Variants in RAB38 observed in about 807,000 individuals in gnomAD.
RAB38 encodes ras-related protein Rab-38.
RAB38 carries 15 observed loss-of-function variants against 18.4 expected under a neutral mutation model. That is an observed-to-expected ratio of 0.82 (90% CI 0.55 to 1.26). The LOEUF is 1.26. RAB38 is among the 50% of genes most tolerant of loss of function. RAB38 has a pLI of 0.00. For synonymous variants in RAB38, 101 were observed against 104.4 expected (o/e 0.97, Z 0.20); for missense variants, 294 against 267.4 (o/e 1.10, Z -0.69).
the RAB38 span, among the ~76,000 whole-genome samples, chr11:88,051,584 T>A: frequency 1.2e-4 from 18 of 147,776 alleles, no homozygotes; most frequent in African/African-American, 3.9e-4. Flanking sequence ...CAGGATACAG[T>A]CAAAAATTAG....
chr11:88,013,710 C>A, the RAB38 span, among the ~76,000 whole-genome samples: 1 of 152,084 alleles, frequency 6.6e-6, no homozygotes, highest in African/African-American at 2.4e-5. Context: ...TAGGCCAAGT[C>A]CTATTATTCA....
At chr11:87,808,558 G>T in the RAB38 span, among the ~76,000 whole-genome samples, 6 of 152,166 alleles carry the variant, frequency 3.9e-5, no homozygotes, top group Non-Finnish European at 8.8e-5. Flanking sequence ...CATTAAGGGA[G>T]TTGGGAAGAT....
At chr11:88,079,365 C>G in the RAB38 span, among the ~76,000 whole-genome samples, 1 of 151,620 alleles carries the variant, frequency 6.6e-6, no homozygotes, top group East Asian at 1.9e-4. Flanking sequence ...TATCATAGCT[C>G]GTGTAAGGAA....
chr11:87,975,580 G>C, the RAB38 span, among the ~76,000 whole-genome samples: 6 of 151,752 alleles, frequency 4.0e-5, no homozygotes, highest in Non-Finnish European at 8.8e-5. Context: ...ATCTTTAATA[G>C]ACAACTGACT....
chr11:87,977,975 A>G, the RAB38 span, among the ~76,000 whole-genome samples: 1 of 112,190 alleles, frequency 8.9e-6, no homozygotes, highest in Non-Finnish European at 1.7e-5. Flanking sequence ...GATATATTAT[A>G]TAAATACATA....
chr11:87,901,549 T>C, the RAB38 span, among the ~76,000 whole-genome samples: 1 of 151,572 alleles, frequency 6.6e-6, no homozygotes, highest in Non-Finnish European at 1.5e-5. Context: ...GGAAGCATAT[T>C]TCCTAAGGCT....
intron 1 of RAB38, among the ~76,000 whole-genome samples, chr11:88,164,802 C>G (rs993113487): frequency 1.3e-5 from 2 of 151,766 alleles, no homozygotes; most frequent in African/African-American, 4.8e-5. Flanking sequence ...GCTGTAGCCT[C>G]TAGAGTCTAG....
intron 2 of RAB38, among the ~76,000 whole-genome samples, chr11:88,130,483 C>A (rs969916812): frequency 6.6e-6 from 1 of 152,142 alleles, no homozygotes; most frequent in Non-Finnish European, 1.5e-5. Flanking sequence ...ACTAGCACTA[C>A]AAGTTTAGCA....
the RAB38 span, among the ~76,000 whole-genome samples, chr11:87,820,944 G>A: frequency 6.6e-6 from 1 of 152,220 alleles, no homozygotes; most frequent in South Asian, 2.1e-4. Context: ...TCTGAAACTA[G>A]TATGAAGCAA....
chr11:88,061,485 C>T, the RAB38 span, among the ~76,000 whole-genome samples: 7 of 152,106 alleles, frequency 4.6e-5, no homozygotes, highest in Admixed American at 6.5e-5. Flanking sequence ...TAGATGAAGA[C>T]GTCACTTTGT....
At chr11:88,044,635 G>A in the RAB38 span, among the ~76,000 whole-genome samples, 1 of 152,092 alleles carries the variant, frequency 6.6e-6, no homozygotes, top group Non-Finnish European at 1.5e-5. Flanking sequence ...TGGGCAAACG[G>A]TCTGAGGTGC....
At chr11:88,140,456 A>G (rs1166468097) in intron 2 of RAB38, among the ~76,000 whole-genome samples, 1 of 152,246 alleles carries the variant, frequency 6.6e-6, no homozygotes. Context: ...TCCATCCAAT[A>G]AACACTGAGC....
the RAB38 span, among the ~76,000 whole-genome samples, chr11:87,842,760 CCCCAT>C: frequency 6.6e-6 from 1 of 152,066 alleles, no homozygotes; most frequent in Non-Finnish European, 1.5e-5. Flanking sequence ...TAAATCCCCA[CCCCAT>C]GCGCACACAT....
chr11:88,076,104 C>T, the RAB38 span, among the ~76,000 whole-genome samples: 1 of 151,156 alleles, frequency 6.6e-6, no homozygotes, highest in African/African-American at 2.4e-5. Context: ...AGAAAAGATA[C>T]AAATAAATAA....
At chr11:88,052,748 T>C in the RAB38 span, among the ~76,000 whole-genome samples, 2 of 151,248 alleles carry the variant, frequency 1.3e-5, no homozygotes, top group African/African-American at 4.9e-5. Context: ...CTAGAAGAAA[T>C]TGAGGCCACC....
At chr11:88,020,089 A>G in the RAB38 span, among the ~76,000 whole-genome samples, 15 of 152,318 alleles carry the variant, frequency 9.8e-5, no homozygotes, top group African/African-American at 2.6e-4. Flanking sequence ...CTTACCCTCA[A>G]AGGTTCTCTA....
At chr11:88,034,076 T>G in the RAB38 span, among the ~76,000 whole-genome samples, 1 of 152,210 alleles carries the variant, frequency 6.6e-6, no homozygotes, top group Non-Finnish European at 1.5e-5. Context: ...CCGCAACACC[T>G]GGCAACCACT....
intron 1 of RAB38, chr11:88,166,658 C>T (rs2134852740): frequency 6.6e-6 from 1 of 152,116 alleles, no homozygotes; most frequent in African/African-American, 2.4e-5. Context: ...ATTTGACATC[C>T]AAATGAATGA....
At chr11:87,859,565 C>G in the RAB38 span, among the ~76,000 whole-genome samples, 3 of 151,910 alleles carry the variant, frequency 2.0e-5, no homozygotes, top group Non-Finnish European at 4.4e-5. Flanking sequence ...TCGCACATAC[C>G]TTTAAATGGC....
Sources: allele counts gnomAD v4.1 joint callset (sites outside exome capture counted in the v4.1 genomes callset), GRCh38; gene constraint gnomAD v4.1.1; transcripts MANE v1.5; gene names NCBI Gene and HGNC (gene_info 2026-07-23, HGNC 2026-07-21).